The following MAGI1 variants were observed in gnomAD, a reference collection of about 807,000 sequenced individuals.
MAGI1 encodes membrane-associated guanylate kinase, WW and PDZ domain-containing protein 1.
In MAGI1, 58 loss-of-function variants were observed where a neutral mutation model predicts 139.9. That is an observed-to-expected ratio of 0.41 (90% CI 0.34 to 0.52). The LOEUF is 0.52. Among genes scored for constraint, MAGI1 ranks in the 20% least tolerant of loss-of-function variants. The pLI is 0.12. For missense variants in MAGI1, 1,874 were observed against 1,901.6 expected (o/e 0.99, Z 0.27); for synonymous variants, 812 against 737.9 (o/e 1.10, Z -1.63).
intron 2 of MAGI1, among the ~76,000 whole-genome samples, chr3:65,601,760 G>T (rs2082493410): frequency 6.6e-6 from 1 of 151,880 alleles, no homozygotes; most frequent in African/African-American, 2.4e-5. Flanking sequence ...ACAGATTAGA[G>T]TGTATTAAAA....
chr3:65,700,982 C>T (rs1285450900), intron 1 of MAGI1, among the ~76,000 whole-genome samples: 1 of 152,154 alleles, frequency 6.6e-6, no homozygotes, highest in Non-Finnish European at 1.5e-5. Context: ...TATTCAACCG[C>T]CCCTTTTTAA....
intron 1 of MAGI1, among the ~76,000 whole-genome samples, chr3:65,906,989 G>A (rs898611439): frequency 6.6e-6 from 1 of 150,716 alleles, no homozygotes; most frequent in Admixed American, 6.6e-5. Flanking sequence ...GTAGAGAAAT[G>A]AGATTTCCCT....
At chr3:66,032,926 A>C (rs1214020944) in intron 1 of MAGI1, among the ~76,000 whole-genome samples, 21 of 150,238 alleles carry the variant, frequency 1.4e-4, no homozygotes, top group African/African-American at 4.9e-4. Context: ...AAAAAAAAAA[A>C]AAAAAAAACA....
At chr3:65,426,508 C>A (rs1467423010) in intron 12 of MAGI1, among the ~76,000 whole-genome samples, 2 of 152,276 alleles carry the variant, frequency 1.3e-5, no homozygotes, top group Non-Finnish European at 1.5e-5. Flanking sequence ...TCCTGAGACT[C>A]ATGGAACAGT....
intron 13 of MAGI1, among the ~76,000 whole-genome samples, chr3:65,396,070 G>A (rs567950951): frequency 2.0e-5 from 3 of 152,270 alleles, no homozygotes; most frequent in Non-Finnish European, 1.5e-5. Flanking sequence ...CAGACTGAAT[G>A]GAGGAGGCTT....
chr3:65,478,844 T>A (rs774608415), intron 3 of MAGI1, 46 bp from the exon 4 acceptor site: 44 of 1,467,676 alleles, frequency 3.0e-5, no homozygotes, highest in Non-Finnish European at 3.7e-5. Flanking sequence ...AGGAATACTT[T>A]GTGTTTTTTT....
At position 65,799,414 on chromosome 3, in the gene MAGI1, G is replaced by T. The variant is rs74683014; in HGVS notation, c.314-177326C>A. On this transcript the variant is annotated intron_variant, in intron 1 of 22. Coordinates refer to ENST00000402939, the MANE Select transcript of MAGI1 (RefSeq NM_001033057.2). ...GACACTAAGTTATTTGTTGCAAGTA[G>T]CGAATGGTTGTGCAGATTCAAGATA... Among the ~76,000 whole-genome samples the T allele has an allele frequency of 6.2e-3, 951 of 152,320 alleles. 7 individuals are homozygous for T. Among genetic ancestry groups the T allele is most frequent in the African/African-American group, 0.022 (901 of 41,570 alleles).
At chr3:66,005,714 T>C (rs901537243) in intron 1 of MAGI1, among the ~76,000 whole-genome samples, 14 of 151,950 alleles carry the variant, frequency 9.2e-5, no homozygotes, top group Admixed American at 2.6e-4. Flanking sequence ...GGAAAGAAGA[T>C]GACACAAAAA....
intron 1 of MAGI1, among the ~76,000 whole-genome samples, chr3:65,778,748 T>C (rs2038686310): frequency 6.6e-6 from 1 of 152,236 alleles, no homozygotes; most frequent in African/African-American, 2.4e-5. Flanking sequence ...CTAAGATGAC[T>C]GAAGCCAGTC....
At chr3:65,445,035 CA>C (rs1269092666) in intron 7 of MAGI1, among the ~76,000 whole-genome samples, 1 of 152,114 alleles carries the variant, frequency 6.6e-6, no homozygotes, top group African/African-American at 2.4e-5. Context: ...TCCAGAATGA[CA>C]TTATAATTTT....
chr3:65,665,808 G>T (rs907165391), intron 1 of MAGI1, among the ~76,000 whole-genome samples: 1 of 151,986 alleles, frequency 6.6e-6, no homozygotes, highest in Non-Finnish European at 1.5e-5. Context: ...TGTTTTAAAG[G>T]CTCCTCATCC....
intron 1 of MAGI1, among the ~76,000 whole-genome samples, chr3:65,715,206 C>T (rs1489700334): frequency 6.6e-6 from 1 of 152,194 alleles, no homozygotes; most frequent in Non-Finnish European, 1.5e-5. Flanking sequence ...GGGTATATCA[C>T]TCTCATCAGA....
At chr3:65,865,021 A>G (rs74417674) in intron 1 of MAGI1, among the ~76,000 whole-genome samples, 2,410 of 152,284 alleles carry the variant, frequency 0.016, 70 homozygotes, top group African/African-American at 0.055. Flanking sequence ...GAGGGTTGAT[A>G]TAACACTCGG....
chr3:65,751,290 T>C (rs1405383044), intron 1 of MAGI1, among the ~76,000 whole-genome samples: 3 of 152,320 alleles, frequency 2.0e-5, no homozygotes, highest in East Asian at 3.9e-4. Flanking sequence ...GAAATTGTCC[T>C]GCCCCCTGCT....
chr3:65,393,183 G>A (rs892632936), intron 13 of MAGI1, among the ~76,000 whole-genome samples: 5 of 152,086 alleles, frequency 3.3e-5, no homozygotes, highest in Non-Finnish European at 7.3e-5. Context: ...CAGCTCCCAG[G>A]GCCAGAGTGA....
Position 65,508,336 on chromosome 3 carries a change from G to A in MAGI1, c.431-14705C>T, listed in dbSNP as rs934537529. ...GGAGAATGGCGTGAACCTGGGAGGC[G>A]GAGCTTGCAGTGAGCCGAGATTGCG... On this transcript the variant is annotated intron_variant, in intron 2 of 22. Coordinates refer to ENST00000402939, the MANE Select transcript of MAGI1 (RefSeq NM_001033057.2). Among the ~76,000 whole-genome samples, 26 of 151,938 alleles carry A rather than the reference G, an allele frequency of 1.7e-4. 1 individual carries two copies. Among genetic ancestry groups the A allele is most frequent in the Admixed American group, 1.4e-3 (22 of 15,248 alleles).
At chr3:65,643,750 A>G (rs2085109220) in intron 1 of MAGI1, among the ~76,000 whole-genome samples, 1 of 152,186 alleles carries the variant, frequency 6.6e-6, no homozygotes. Flanking sequence ...AAACTGTTAC[A>G]CAATAACGGC....
chr3:65,824,889 G>C (rs968424066), intron 1 of MAGI1, among the ~76,000 whole-genome samples: 1 of 152,132 alleles, frequency 6.6e-6, no homozygotes, highest in African/African-American at 2.4e-5. Context: ...CAAAGCATCT[G>C]TGGGAATATT....
At chr3:65,865,951 G>A (rs1159691374) in intron 1 of MAGI1, among the ~76,000 whole-genome samples, 2 of 152,092 alleles carry the variant, frequency 1.3e-5, no homozygotes, top group East Asian at 1.9e-4. Context: ...TACTTTGCAA[G>A]CTTTTAAAAC....
Sources: allele counts gnomAD v4.1 joint callset (sites outside exome capture counted in the v4.1 genomes callset), GRCh38; gene constraint gnomAD v4.1.1; transcripts MANE v1.5; gene names NCBI Gene and HGNC (gene_info 2026-07-23, HGNC 2026-07-21).